Variants in KIF6 observed in about 807,000 individuals in gnomAD.
KIF6 encodes kinesin-like protein KIF6.
Under a neutral mutation model 112.7 loss-of-function variants are expected in KIF6, and 106 were observed. The observed-to-expected ratio is 0.94, with a 90% CI of 0.80 to 1.11. The LOEUF (loss-of-function observed/expected upper bound fraction) is 1.11. KIF6 is among the 50% of genes least tolerant of loss of function. The pLI is 0.00. For missense variants in KIF6, 929 were observed against 964.0 expected (o/e 0.96, Z 0.48); for synonymous variants, 339 against 339.9 (o/e 1.00, Z 0.03).
At chr6:39,492,755 A>G (rs1456046302) in intron 13 of KIF6, among the ~76,000 whole-genome samples, 3 of 152,208 alleles carry the variant, frequency 2.0e-5, no homozygotes, top group Non-Finnish European at 4.4e-5. Context: ...CTGTAGGTCT[A>G]CAGTTGGGGA....
intron 13 of KIF6, among the ~76,000 whole-genome samples, chr6:39,468,098 A>G (rs1056301743): frequency 6.6e-6 from 1 of 152,164 alleles, no homozygotes; most frequent in Non-Finnish European, 1.5e-5. Flanking sequence ...ATAGGGCTCA[A>G]GAGGAGATTT....
At chr6:39,346,135 C>CTCTCTCTCCCTT (rs1763777724) in intron 20 of KIF6, among the ~76,000 whole-genome samples, 3 of 107,480 alleles carry the variant, frequency 2.8e-5, no homozygotes, top group African/African-American at 1.1e-4. Context: ...CCCTCTCCCT[C>CTCTCTCTCCCTT]TCTCTCTCTC....
At chr6:39,388,708 C>T (rs1406263523) in intron 15 of KIF6, among the ~76,000 whole-genome samples, 4 of 152,132 alleles carry the variant, frequency 2.6e-5, no homozygotes, top group Non-Finnish European at 5.9e-5. Flanking sequence ...GCAGAATTCA[C>T]TCAGCATGCA....
At chr6:39,653,085 A>G (rs955184123) in intron 3 of KIF6, among the ~76,000 whole-genome samples, 2 of 152,218 alleles carry the variant, frequency 1.3e-5, no homozygotes, top group Admixed American at 1.3e-4. Flanking sequence ...GTTATCTACA[A>G]TTAAATTACA....
intron 13 of KIF6, among the ~76,000 whole-genome samples, chr6:39,448,035 G>A (rs140651381): frequency 1.5e-3 from 232 of 152,224 alleles, no homozygotes; most frequent in African/African-American, 5.2e-3. Flanking sequence ...GCCCCTTTGC[G>A]ATTCTTCATA....
chr6:39,707,546 G>A (rs949701887), intron 3 of KIF6, among the ~76,000 whole-genome samples: 1 of 152,166 alleles, frequency 6.6e-6, no homozygotes, highest in African/African-American at 2.4e-5. Flanking sequence ...CACTTCTCAG[G>A]TCCTGAGGTC....
At chr6:39,396,260 G>A (rs1768261604) in intron 15 of KIF6, among the ~76,000 whole-genome samples, 1 of 152,248 alleles carries the variant, frequency 6.6e-6, no homozygotes, top group African/African-American at 2.4e-5. Flanking sequence ...TGTTGCATAT[G>A]CACGTTGCGT....
At chr6:39,534,458 A>G (rs889800342) in intron 13 of KIF6, among the ~76,000 whole-genome samples, 6 of 152,240 alleles carry the variant, frequency 3.9e-5, no homozygotes, top group African/African-American at 1.4e-4. Context: ...AAGAAAGAGT[A>G]TCAGTGATGG....
intron 15 of KIF6, among the ~76,000 whole-genome samples, chr6:39,390,953 C>T (rs910218758): frequency 3.9e-5 from 6 of 152,276 alleles, no homozygotes; most frequent in Non-Finnish European, 7.4e-5. Flanking sequence ...AATCCTTACA[C>T]GGATTCCCAA....
intron 5 of KIF6, among the ~76,000 whole-genome samples, chr6:39,616,233 T>A (rs1230280203): frequency 6.6e-6 from 1 of 152,220 alleles, no homozygotes; most frequent in Non-Finnish European, 1.5e-5. Context: ...ACCCAGAGCC[T>A]TTGATCTCCA....
rs981600521 is a variant in KIF6 at position 39,346,136 on chromosome 6, T to C, written c.2231+340A>G. Among the ~76,000 whole-genome samples the C allele has an allele frequency of 6.7e-4, 63 of 94,562 alleles. 3 individuals are homozygous for C. Among genetic ancestry groups the C allele is most frequent in the African/African-American group, 2.1e-3 (43 of 20,292 alleles). The allele number at this position is 94,562 out of a possible 152,430, so 62.0% of individuals were successfully genotyped here. Reference sequence around the variant, plus strand: ...CTCTCCCTCTCCCTCCCTCTCCCTCTCTCTCTCTCTCTCTCTCTCTCTCTC... The same window carrying C: ...CTCTCCCTCTCCCTCCCTCTCCCTCCCTCTCTCTCTCTCTCTCTCTCTCTC... On this transcript the variant is annotated intron_variant, in intron 20 of 22. Transcript: ENST00000287152.
At chr6:39,507,610 CTCCTTTCCTT>C (rs71659732) in intron 13 of KIF6, among the ~76,000 whole-genome samples, 10 of 39,540 alleles carry the variant, frequency 2.5e-4, no homozygotes, top group Admixed American at 6.2e-4. Context: ...GGAAGCTTAT[CTCCTTTCCTT>C]TCCTTTCCTT....
At chr6:39,639,784 A>G in intron 3 of KIF6, 27 bp from the exon 4 acceptor site, 1 of 1,599,204 alleles carries the variant, frequency 6.3e-7, no homozygotes, top group Non-Finnish European at 8.5e-7. Context: ...ACACACTTTC[A>G]ATATCAACAT....
At chr6:39,505,710 C>T (rs963310935) in intron 13 of KIF6, among the ~76,000 whole-genome samples, 1 of 152,132 alleles carries the variant, frequency 6.6e-6, no homozygotes, top group Admixed American at 6.5e-5. Context: ...ACAGACACTT[C>T]TCAAAAGAAG....
intron 3 of KIF6, among the ~76,000 whole-genome samples, chr6:39,665,227 C>G (rs1786399763): frequency 3.9e-5 from 6 of 152,120 alleles, no homozygotes; most frequent in Admixed American, 3.9e-4. Flanking sequence ...TCCAAAGAGC[C>G]AAAATCTCGA....
intron 10 of KIF6, among the ~76,000 whole-genome samples, chr6:39,547,462 A>G (rs1779126325): frequency 6.6e-6 from 1 of 152,222 alleles, no homozygotes; most frequent in Admixed American, 6.5e-5. Context: ...CATGTAAATT[A>G]TTATGAAAAC....
chr6:39,587,421 G>A (rs553576599), intron 7 of KIF6, among the ~76,000 whole-genome samples: 25 of 152,228 alleles, frequency 1.6e-4, no homozygotes, highest in Non-Finnish European at 2.9e-4. Context: ...ATTGCTTTCT[G>A]AAGGCTGTTT....
intron 4 of KIF6, among the ~76,000 whole-genome samples, 176 bp from the exon 5 acceptor site, chr6:39,635,134 GC>G (rs1784559906): frequency 6.6e-6 from 1 of 151,836 alleles, no homozygotes; most frequent in Non-Finnish European, 1.5e-5. Flanking sequence ...TATGCATGAA[GC>G]TTTTTTTAAT....
chr6:39,597,726 A>G (rs1314843726), intron 6 of KIF6, among the ~76,000 whole-genome samples: 1 of 152,228 alleles, frequency 6.6e-6, no homozygotes, highest in Non-Finnish European at 1.5e-5. Flanking sequence ...GGATACTTTA[A>G]GATATAAAAC....
Sources: allele counts gnomAD v4.1 joint callset (sites outside exome capture counted in the v4.1 genomes callset), GRCh38; gene constraint gnomAD v4.1.1; transcripts MANE v1.5; gene names NCBI Gene and HGNC (gene_info 2026-07-23, HGNC 2026-07-21).